Variants in PRSS27 observed in about 807,000 individuals in gnomAD.
PRSS27 encodes channel-activating protease 2.
A neutral mutation model predicts 32.0 loss-of-function variants in PRSS27; 25 were observed. That is an observed-to-expected ratio of 0.78 (90% CI 0.57 to 1.09). PRSS27 has a LOEUF of 1.09. Ranked by LOEUF, PRSS27 falls within the 50% of genes least tolerant of loss-of-function variation. The probability of loss-of-function intolerance (pLI) is 0.00; values close to 1 mark genes in which losing one functional copy is unlikely to be tolerated. For synonymous variants in PRSS27, 178 were observed against 172.2 expected (o/e 1.03, Z -0.26); for missense variants, 401 against 394.9 (o/e 1.02, Z -0.13).
intron 2 of PRSS27, 139 bp from the exon 3 acceptor site, chr16:2,716,019 G>C (rs1417133424): frequency 1.5e-6 from 1 of 679,888 alleles, no homozygotes; most frequent in Non-Finnish European, 2.4e-6. Context: ...TCGGAGGCCT[G>C]GGCTTCGGGG....
chr16:2,712,625 T>C lies in PRSS27; in HGVS notation c.868A>G (p.Lys290Glu). 1 of 1,581,494 alleles carries C rather than the reference T, an allele frequency of 6.3e-7. No individual in the cohort carries two copies. The part of the protein sequence containing the change: ...QFQPARLGGQ[K>E] ...GGCTCCTGGCCCCGGGGGTCTCACT[T>C]CTGGCCGCCCAACCTCGCTGGCTGG... The change falls in exon 6 of 6, where the codon AAG becomes GAG. Residue 290 changes from lysine to glutamate, a missense_variant. Transcript: ENST00000302641. The surrounding 1 kb of genome is among the most constrained non-coding windows in gnomAD (Gnocchi z 4.6).
intron 1 of PRSS27, among the ~76,000 whole-genome samples, chr16:2,719,125 T>C (rs2067719840): frequency 6.6e-6 from 1 of 152,144 alleles, no homozygotes. Context: ...TCACAGCTGT[T>C]AGTGAACCGA....
chr16:2,715,168 G>A (rs542195753), intron 3 of PRSS27: 1 of 152,570 alleles, frequency 6.6e-6, no homozygotes, highest in South Asian at 2.1e-4. Flanking sequence ...AATAATTAGA[G>A]CTGCGGTGTT....
At chr16:2,719,866 G>A (rs2067724416) in intron 1 of PRSS27, among the ~76,000 whole-genome samples, 1 of 152,158 alleles carries the variant, frequency 6.6e-6, no homozygotes, top group Non-Finnish European at 1.5e-5. Context: ...ATGGGAGGAG[G>A]TGCTGCCCAG....
At position 2,714,643 on chromosome 16, in the gene PRSS27, G is replaced by C. The variant is rs2067689722; in HGVS notation, c.237-307C>G. 5.0e-6 allele frequency: 2 copies of C among 400,540 alleles called. No individual in the cohort carries two copies. The highest frequency in any genetic ancestry group is 4.6e-6 in the Non-Finnish European group (1 of 216,598). 24.8% of individuals were successfully genotyped at this position (400,540 alleles called of 1,614,324 possible). A position where few individuals can be genotyped will look rare whatever the true frequency, so the allele number is the denominator to read the frequency against. On this transcript the variant is annotated intron_variant, in intron 3 of 5. Coordinates refer to ENST00000302641, the MANE Select transcript of PRSS27 (RefSeq NM_031948.5). This position sits in a 1 kb window ranked among gnomAD's most constrained non-coding sequence, Gnocchi z 4.7. ...GACAGTCACAGTGCCTACCTGAAAG[G>C]CTGGCTCGGAGAGAACCACCCTCCA...
intron 4 of PRSS27, 63 bp from the exon 5 acceptor site, chr16:2,713,761 G>A (rs894585166): frequency 3.2e-5 from 50 of 1,556,268 alleles, no homozygotes; most frequent in Middle Eastern, 1.8e-4. Flanking sequence ...CACGGCCCCG[G>A]GAACCACCAC....
rs190453598 is a variant in PRSS27, at chr16:2,717,447, T to A, written c.47-921A>T. 1 of 152,136 alleles carries A rather than the reference T, an allele frequency of 6.6e-6. No homozygotes were observed. Among genetic ancestry groups the A allele is most frequent in the African/African-American group, 2.4e-5 (1 of 41,342 alleles). The allele number at this position is 152,136 out of a possible 1,614,324, so 9.4% of individuals were successfully genotyped here. A position where few individuals can be genotyped will look rare whatever the true frequency, so the allele number is the denominator to read the frequency against. ...AGGACCATAGTGTACAGCCCCAGGGTAGCAAAGCCTGGAACTTCCTGGCCT... is the reference window on the plus strand; with the variant it reads ...AGGACCATAGTGTACAGCCCCAGGGAAGCAAAGCCTGGAACTTCCTGGCCT... On this transcript the variant is annotated intron_variant, in intron 1 of 5. Coordinates refer to ENST00000302641, the MANE Select transcript of PRSS27 (RefSeq NM_031948.5). The surrounding 1 kb of genome is among the most constrained non-coding windows in gnomAD (Gnocchi z 4.1).
In PRSS27 at chr16:2,713,670, C is replaced by T; in HGVS notation, c.537G>A (p.Gln179=). 3 of 1,614,238 alleles carry T rather than the reference C, an allele frequency of 1.9e-6. No homozygotes were observed. Among genetic ancestry groups the T allele is most frequent in the Non-Finnish European group, 2.5e-6 (3 of 1,180,026 alleles). Residue 179 remains glutamine (Q), a synonymous_variant, in exon 5 of 6, where the codon CAG becomes CAA. Transcript: ENST00000302641. ...EDLLPEPRIL[Q]KLAVPIIDTP... ...TGTCGATGATGGGCACAGCGAGTTT[C>T]TGCAGGATCCGCGGTTCGGGCAGGA...
chr16:2,714,007 G>A lies in PRSS27; in HGVS notation c.508+58C>T. 1 of 1,525,244 alleles carries A rather than the reference G, an allele frequency of 6.6e-7. No homozygotes were observed. Among genetic ancestry groups the A allele is most frequent in the Non-Finnish European group, 8.9e-7 (1 of 1,128,078 alleles). 94.5% of individuals were successfully genotyped at this position (1,525,244 alleles called of 1,614,324 possible). ...ATTGTGGGTTCAGAGTGGTCCCCAA[G>A]CCGTCCTGGGCCTTCTTGAGGCATA... On this transcript the variant is annotated intron_variant, in intron 4 of 5. Coordinates refer to ENST00000302641, the MANE Select transcript of PRSS27 (RefSeq NM_031948.5). The surrounding 1 kb of genome is among the most constrained non-coding windows in gnomAD (Gnocchi z 4.7).
At chr16:2,716,001 T>A in intron 2 of PRSS27, 121 bp from the exon 3 acceptor site, 1 of 876,372 alleles carries the variant, frequency 1.1e-6, no homozygotes, top group Non-Finnish European at 1.7e-6. Context: ...CCGAAGACCT[T>A]GGGGAAGTCG....
At position 2,715,789 on chromosome 16, in the gene PRSS27, G is replaced by C; in HGVS notation, c.165C>G (p.Asn55Lys). ...EWPWQVSIQR[N>K]GSHFCGGSLI... ...GGCTGCCCCCGCAGAAGTGGCTTCC[G>C]TTGCGCTGGATGCTGACTTGCCAGG... Residue 55 changes from asparagine to lysine, a missense_variant, in exon 3 of 6, where the codon AAC becomes AAG. Physicochemically the swap from Asn to Lys is moderately conservative, Grantham distance 94. Transcript: ENST00000302641. 1 of 1,602,126 alleles carries C rather than the reference G, an allele frequency of 6.2e-7. No individual in the cohort carries two copies.
At chr16:2,715,538 C>A in intron 3 of PRSS27, 180 bp downstream of exon 3, 1 of 519,936 alleles carries the variant, frequency 1.9e-6, no homozygotes, top group Non-Finnish European at 3.3e-6. Context: ...GCGGTTGCAA[C>A]TGGAAGTTAG....
At chr16:2,719,913 C>T (rs1270893332) in intron 1 of PRSS27, among the ~76,000 whole-genome samples, 1 of 152,188 alleles carries the variant, frequency 6.6e-6, no homozygotes, top group African/African-American at 2.4e-5. Context: ...TGTGCGCACA[C>T]CTCCCACCCT....
chr16:2,718,036 T>C (rs994213572), intron 1 of PRSS27: 1 of 152,258 alleles, frequency 6.6e-6, no homozygotes, highest in Non-Finnish European at 1.5e-5. Context: ...GGTTATTCCC[T>C]GGCCCCCCGA....
chr16:2,714,565 G>C lies in PRSS27; in HGVS notation c.237-229C>G. ...ACCCCTGGCCGCTGTGTGGCCTTGGGCAAGTCACTTAACAAGTTCTCTGTG... is the reference window on the plus strand; with the variant it reads ...ACCCCTGGCCGCTGTGTGGCCTTGGCCAAGTCACTTAACAAGTTCTCTGTG... On this transcript the variant is annotated intron_variant, in intron 3 of 5. Transcript: ENST00000302641. This position sits in a 1 kb window ranked among gnomAD's most constrained non-coding sequence, Gnocchi z 4.7. 1 of 590,598 alleles carries C rather than the reference G, an allele frequency of 1.7e-6. No individual in the cohort carries two copies. The highest frequency in any genetic ancestry group is 3.0e-5 in the Admixed American group (1 of 33,654). The allele number at this position is 590,598 out of a possible 1,614,324, so 36.6% of individuals were successfully genotyped here. A position where few individuals can be genotyped will look rare whatever the true frequency, so the allele number is the denominator to read the frequency against.
Position 2,712,576 on chromosome 16 carries a change from C to G in PRSS27, c.*44G>C. The G allele has an allele frequency of 1.3e-6, 2 of 1,518,910 alleles. No homozygotes were observed. Among genetic ancestry groups the G allele is most frequent in the Non-Finnish European group, 1.8e-6 (2 of 1,124,132 alleles). The allele number at this position is 1,518,910 out of a possible 1,614,324, so 94.1% of individuals were successfully genotyped here. ...CAGCAGGATGGTGTGGGCGGGCAGG[C>G]TGGGTGCAGAGCTCTGCTCAAGGGG... On this transcript the variant is annotated 3_prime_UTR_variant, in exon 6 of 6. Coordinates refer to ENST00000302641, the MANE Select transcript of PRSS27 (RefSeq NM_031948.5). This position sits in a 1 kb window ranked among gnomAD's most constrained non-coding sequence, Gnocchi z 4.6.
chr16:2,719,453 A>T (rs1452624434), intron 1 of PRSS27, among the ~76,000 whole-genome samples: 5 of 152,104 alleles, frequency 3.3e-5, no homozygotes. Context: ...GGAATGTGAG[A>T]GGTTTTCCCT....
chr16:2,716,191 G>A, intron 2 of PRSS27: 7 of 563,470 alleles, frequency 1.2e-5, no homozygotes, highest in Middle Eastern at 4.2e-4. Context: ...GTGCCTGGAA[G>A]GATAGAACAG....
Position 2,713,606 on chromosome 16 carries a change from A to G in PRSS27, c.601T>C (p.Phe201Leu), listed in dbSNP as rs760318706. The change falls in exon 5 of 6, where the codon TTT (phenylalanine) becomes CTT (leucine). Residue 201 changes from phenylalanine (F) to leucine (L), a missense_variant. Phe to Leu is a conservative substitution (Grantham distance 22). Coordinates refer to ENST00000302641, the MANE Select transcript of PRSS27 (RefSeq NM_031948.5). ...TTGATGGTTTTGGGTTGGTAGCCAA[A>G]CTCGGTGTCTTTGCTGTAGAGCAGG... ...CNLLYSKDTE[F>L]GYQPKTIKND... 6.2e-7 allele frequency: 1 copy of G among 1,614,082 alleles called. No individual in the cohort carries two copies. Among genetic ancestry groups the G allele is most frequent in the South Asian group, 1.1e-5 (1 of 91,088 alleles).
Sources: gnomAD v4.1 joint callset for allele counts (sites outside exome capture counted in the v4.1 genomes callset) on GRCh38, gnomAD v4.1.1 for gene constraint, Gnocchi (gnomAD v3.1) non-coding constraint, MANE v1.5 for transcripts, NCBI Gene and HGNC (gene_info 2026-07-23, HGNC 2026-07-21) for gene names.